TM4SF20: variants seen among roughly 807,000 people sequenced by gnomAD.
TM4SF20 encodes transmembrane 4 L6 family member 20.
In TM4SF20, 13 loss-of-function variants were observed where a neutral mutation model predicts 15.1. The observed-to-expected ratio is 0.86, with a 90% confidence interval of 0.56 to 1.36. TM4SF20 has a LOEUF of 1.36. Among genes scored for constraint, TM4SF20 ranks in the 40% most tolerant of loss-of-function variants. The probability of loss-of-function intolerance (pLI) is 0.00; values close to 1 mark genes in which losing one functional copy is unlikely to be tolerated. For synonymous variants in TM4SF20, 92 were observed against 96.6 expected (o/e 0.95, Z 0.28); for missense variants, 282 against 268.4 (o/e 1.05, Z -0.35).
At chr2:227,371,022 T>C (rs1230473936) in intron 1 of TM4SF20, 42 bp from the exon 2 acceptor site, 2 of 1,529,124 alleles carry the variant, frequency 1.3e-6, no homozygotes, top group African/African-American at 2.7e-5. Context: ...TTATAACTTC[T>C]CATCAGAAGA....
At position 227,362,512 on chromosome 2, in the gene TM4SF20, T is replaced by G. The variant is rs2076366799; in HGVS notation, c.*1212A>C. Reference sequence around the variant, plus strand: ...TCCAGAATGCTCCGAGATCCAAAACTTTTTGAGCCAGTAACGTAACACCAC... The same window carrying G: ...TCCAGAATGCTCCGAGATCCAAAACGTTTTGAGCCAGTAACGTAACACCAC... On this transcript the variant is annotated 3_prime_UTR_variant, in exon 4 of 4. Coordinates refer to ENST00000304568, the MANE Select transcript of TM4SF20 (RefSeq NM_024795.4). 6.6e-6 allele frequency: 1 copy of G among 152,158 alleles called. No individual in the cohort carries two copies. The highest frequency in any genetic ancestry group is 2.1e-4 in the South Asian group (1 of 4,834). 9.4% of individuals were successfully genotyped at this position (152,158 alleles called of 1,614,324 possible).
chr2:227,366,148 A>C lies in TM4SF20; in HGVS notation c.346T>G (p.Cys116Gly), dbSNP rs1212652110. 1 of 1,614,142 alleles carries C rather than the reference A, an allele frequency of 6.2e-7. No homozygotes were observed. Among genetic ancestry groups the C allele is most frequent in the Non-Finnish European group, 8.5e-7 (1 of 1,180,024 alleles). Residue 116 changes from cysteine to glycine, a missense_variant, in exon 3 of 4, where the codon TGT becomes GGT. Coordinates refer to ENST00000304568, the MANE Select transcript of TM4SF20 (RefSeq NM_024795.4). Reference sequence around the variant, plus strand: ...GCATTACTGTTGCTTGGAGAATTACACATGAGAGGACCTTTTAAGAGAGCC... The same window carrying C: ...GCATTACTGTTGCTTGGAGAATTACCCATGAGAGGACCTTTTAAGAGAGCC... The part of the protein sequence containing the change: ...IQALLKGPLM[C>G]NSPSNSNANC...
intron 2 of TM4SF20, among the ~76,000 whole-genome samples, chr2:227,366,711 T>G (rs1230002770): frequency 1.6e-5 from 1 of 63,910 alleles, no homozygotes; most frequent in Non-Finnish European, 2.9e-5. Flanking sequence ...AGAGCAAGAC[T>G]CTGTCAAAAA....
At chr2:227,373,354 A>T (rs1575024631) in intron 1 of TM4SF20, among the ~76,000 whole-genome samples, 1 of 152,200 alleles carries the variant, frequency 6.6e-6, no homozygotes, top group East Asian at 1.9e-4. Context: ...ACATGTGTAT[A>T]TGGCTGCCTA....
At chr2:227,380,650 A>G (rs1434202716), upstream of TM4SF20, among the ~76,000 whole-genome samples, 2 of 152,238 alleles carry the variant, frequency 1.3e-5, no homozygotes, top group East Asian at 1.9e-4. Context: ...AGATTGGGAC[A>G]TTAGGCAGCT....
At chr2:227,378,679 C>T (rs527243260) in intron 1 of TM4SF20, among the ~76,000 whole-genome samples, 1 of 152,302 alleles carries the variant, frequency 6.6e-6, no homozygotes, top group Non-Finnish European at 1.5e-5. Context: ...AATGTTTCTA[C>T]TCATCCCTAT....
At chr2:227,367,266 A>C (rs1402677864) in intron 2 of TM4SF20, among the ~76,000 whole-genome samples, 2 of 152,194 alleles carry the variant, frequency 1.3e-5, no homozygotes, top group Non-Finnish European at 2.9e-5. Flanking sequence ...GTTGAGAGCC[A>C]CTGTGTTAGA....
intron 1 of TM4SF20, among the ~76,000 whole-genome samples, chr2:227,378,320 C>T (rs2076461881): frequency 6.6e-6 from 1 of 152,202 alleles, no homozygotes; most frequent in South Asian, 2.1e-4. Context: ...GCCGTTTTCC[C>T]TATACAAATG....
intron 2 of TM4SF20, among the ~76,000 whole-genome samples, chr2:227,370,633 C>T (rs1427911253): frequency 6.6e-6 from 1 of 152,160 alleles, no homozygotes; most frequent in Non-Finnish European, 1.5e-5. Context: ...TGGTGTGCAC[C>T]TGTAGTCCCA....
At chr2:227,372,137 T>G (rs369440917) in intron 1 of TM4SF20, among the ~76,000 whole-genome samples, 1 of 152,212 alleles carries the variant, frequency 6.6e-6, no homozygotes, top group Non-Finnish European at 1.5e-5. Context: ...TTCTCTCTCC[T>G]TCTACTCTCA....
At chr2:227,368,019 A>ATTTTTT (rs1226126996) in intron 2 of TM4SF20, among the ~76,000 whole-genome samples, 1 of 120,562 alleles carries the variant, frequency 8.3e-6, no homozygotes, top group African/African-American at 3.4e-5. Context: ...TTAACCATCT[A>ATTTTTT]TTTTTTTTTT....
upstream of TM4SF20, among the ~76,000 whole-genome samples, chr2:227,380,420 T>TTAGACC (rs1202145880): frequency 2.0e-5 from 3 of 152,174 alleles, no homozygotes; most frequent in African/African-American, 4.8e-5. Flanking sequence ...AGACCTAGAC[T>TTAGACC]TAGACCTAGA....
intron 3 of TM4SF20, among the ~76,000 whole-genome samples, chr2:227,365,503 C>T (rs556645657): frequency 6.6e-5 from 10 of 152,280 alleles, no homozygotes; most frequent in African/African-American, 2.4e-4. Context: ...CTTGTTATTA[C>T]ATGACTTAAA....
intron 2 of TM4SF20, 151 bp from the exon 3 acceptor site, chr2:227,366,395 AG>A: frequency 1.5e-6 from 1 of 645,538 alleles, no homozygotes; most frequent in Non-Finnish European, 2.6e-6. Context: ...TGATACAAAA[AG>A]GCAGAGGGCA....
intron 3 of TM4SF20, among the ~76,000 whole-genome samples, chr2:227,365,551 C>T (rs1341037047): frequency 6.6e-6 from 1 of 152,184 alleles, no homozygotes; most frequent in Non-Finnish European, 1.5e-5. Context: ...ATATTTATAG[C>T]ATATCTGTAT....
At chr2:227,364,560 A>G (rs1294626130) in intron 3 of TM4SF20, among the ~76,000 whole-genome samples, 1 of 152,118 alleles carries the variant, frequency 6.6e-6, no homozygotes, top group Admixed American at 6.5e-5. Flanking sequence ...CATCTATCTC[A>G]AGATGATTTT....
At chr2:227,377,439 A>G (rs895054266) in intron 1 of TM4SF20, among the ~76,000 whole-genome samples, 1 of 152,250 alleles carries the variant, frequency 6.6e-6, no homozygotes. Context: ...GTGTGAAGAA[A>G]TAGCCCAAAA....
rs1280874256 is a variant in TM4SF20, at chr2:227,362,980, T to C, written c.*744A>G. On this transcript the variant is annotated 3_prime_UTR_variant, in exon 4 of 4. Transcript: ENST00000304568. ...CAAAAATATTTTTCTTTTATAACATTTTCCTGTTGAAAATTGGGCCATTCT... is the reference window on the plus strand; with the variant it reads ...CAAAAATATTTTTCTTTTATAACATCTTCCTGTTGAAAATTGGGCCATTCT... 6.6e-6 allele frequency: 1 copy of C among 152,196 alleles called. No individual in the cohort carries two copies. The highest frequency in any genetic ancestry group is 2.4e-5 in the African/African-American group (1 of 41,444). 9.4% of individuals were successfully genotyped at this position (152,196 alleles called of 1,614,324 possible).
At chr2:227,380,251 A>AC (rs1261853850), upstream of TM4SF20, among the ~76,000 whole-genome samples, 1 of 152,164 alleles carries the variant, frequency 6.6e-6, no homozygotes, top group Non-Finnish European at 1.5e-5. Context: ...AATCACTTGA[A>AC]CCTGGGGGGT....
Sources: allele counts gnomAD v4.1 joint callset (sites outside exome capture counted in the v4.1 genomes callset), GRCh38; gene constraint gnomAD v4.1.1; transcripts MANE v1.5; gene names NCBI Gene and HGNC (gene_info 2026-07-23, HGNC 2026-07-21).